RPS6KA2: variants seen among roughly 807,000 people sequenced by gnomAD.
The protein encoded by RPS6KA2 is ribosomal protein S6 kinase alpha-2.
RPS6KA2 carries 42 observed loss-of-function variants against 91.8 expected under a neutral mutation model. That is an observed-to-expected ratio of 0.46 (90% confidence interval 0.36 to 0.59). The LOEUF is 0.59. Ranked by LOEUF, RPS6KA2 falls within the 20% of genes least tolerant of loss-of-function variation. RPS6KA2 has a pLI of 0.00. For synonymous variants in RPS6KA2, 414 were observed against 393.6 expected (o/e 1.05, Z -0.61); for missense variants, 798 against 978.5 (o/e 0.82, Z 2.46).
At chr6:166,734,576 C>T (rs1790621539) in intron 2 of RPS6KA2, among the ~76,000 whole-genome samples, 1 of 152,062 alleles carries the variant, frequency 6.6e-6, no homozygotes, top group Admixed American at 6.6e-5. Context: ...AATTAAGACA[C>T]TCAGCCATTG....
At chr6:166,482,464 T>C (rs1161808882) in intron 10 of RPS6KA2, among the ~76,000 whole-genome samples, 1 of 152,238 alleles carries the variant, frequency 6.6e-6, no homozygotes, top group Non-Finnish European at 1.5e-5. Flanking sequence ...GGAAATTCTC[T>C]GAGTAACACT....
At position 166,568,384 on chromosome 6, in the gene RPS6KA2, C is replaced by T. The variant is rs3778393; in HGVS notation, c.100-29600G>A. 2.6e-4 allele frequency among the ~76,000 whole-genome samples: 40 copies of T among 152,206 alleles called. No homozygotes were observed. The East Asian group carries it at 7.7e-3, about 29-fold the overall frequency. On this transcript the variant is annotated intron_variant, in intron 1 of 20. Coordinates refer to ENST00000265678, the MANE Select transcript of RPS6KA2 (RefSeq NM_021135.6). ...ATCCCAGCACTTTGGGAGGCTTAGGCAGGCGGATCACCTGAGATCAGGAAT... is the reference window on the plus strand; with the variant it reads ...ATCCCAGCACTTTGGGAGGCTTAGGTAGGCGGATCACCTGAGATCAGGAAT...
intron 2 of RPS6KA2, among the ~76,000 whole-genome samples, chr6:166,537,411 C>A (rs16899098): frequency 0.035 from 5,316 of 152,298 alleles, 297 homozygotes; most frequent in African/African-American, 0.12. Context: ...CTATTAACAT[C>A]GTGAGAAACT....
At chr6:166,617,452 T>C (rs184355272) in intron 1 of RPS6KA2, among the ~76,000 whole-genome samples, 1 of 152,320 alleles carries the variant, frequency 6.6e-6, no homozygotes, top group Non-Finnish European at 1.5e-5. Flanking sequence ...GAGCCTAGAT[T>C]AGACATTTTT....
At chr6:166,589,512 GAATTGAAATC>G (rs1337656562) in intron 1 of RPS6KA2, among the ~76,000 whole-genome samples, 8 of 152,222 alleles carry the variant, frequency 5.3e-5, no homozygotes, top group Non-Finnish European at 1.0e-4. Flanking sequence ...TGTACCCTTA[GAATTGAAATC>G]AGTTGAAATC....
intron 12 of RPS6KA2, among the ~76,000 whole-genome samples, 166 bp from the exon 13 acceptor site, chr6:166,451,399 GAC>G (rs1779914221): frequency 6.7e-6 from 1 of 148,720 alleles, no homozygotes; most frequent in South Asian, 2.1e-4. Context: ...AGGTAAAACA[GAC>G]ATGTAGAAAT....
intron 2 of RPS6KA2, among the ~76,000 whole-genome samples, chr6:166,672,575 T>C (rs1218712218): frequency 6.6e-6 from 1 of 152,196 alleles, no homozygotes; most frequent in Non-Finnish European, 1.5e-5. Flanking sequence ...TTTTCTTGGT[T>C]TCTAGATTTC....
chr6:166,847,226 G>A (rs985258868), intron 2 of RPS6KA2, among the ~76,000 whole-genome samples: 1 of 151,630 alleles, frequency 6.6e-6, no homozygotes, highest in African/African-American at 2.4e-5. Flanking sequence ...TCTACAAGGA[G>A]AACTGTAAAA....
At chr6:166,425,589 TA>T (rs560376655) in intron 16 of RPS6KA2, among the ~76,000 whole-genome samples, 1,630 of 151,612 alleles carry the variant, frequency 0.011, 27 homozygotes, top group African/African-American at 0.035. Flanking sequence ...AGGCTCAAAA[TA>T]AAAGGATGGA....
chr6:166,827,584 C>CA (rs566414512), intron 2 of RPS6KA2, among the ~76,000 whole-genome samples: 2 of 152,166 alleles, frequency 1.3e-5, no homozygotes, highest in African/African-American at 2.4e-5. Context: ...TTAAGGTTGG[C>CA]AACATCTAAC....
chr6:166,449,067 C>T (rs1323896302), intron 13 of RPS6KA2, among the ~76,000 whole-genome samples: 1 of 152,184 alleles, frequency 6.6e-6, no homozygotes, highest in Non-Finnish European at 1.5e-5. Flanking sequence ...GGCTATGACT[C>T]TTAACTTTGA....
chr6:166,508,497 G>A lies in RPS6KA2; in HGVS notation c.380-215C>T, dbSNP rs745688159. ...CTGCCCCTCTCTCACTGTCGTTAGG[G>A]GGCCTTGAGATTTCTTTCATCTTTC... On this transcript the variant is annotated intron_variant, in intron 4 of 20. Coordinates refer to ENST00000265678, the MANE Select transcript of RPS6KA2 (RefSeq NM_021135.6). The surrounding 1 kb of genome is among the most constrained non-coding windows in gnomAD (Gnocchi z 4.3). 2.6e-5 allele frequency among the ~76,000 whole-genome samples: 4 copies of A among 152,072 alleles called. No homozygotes were observed. The highest frequency in any genetic ancestry group is 7.2e-5 in the African/African-American group (3 of 41,412).
At chr6:166,492,023 AC>A (rs1480745512) in intron 8 of RPS6KA2, among the ~76,000 whole-genome samples, 2 of 152,210 alleles carry the variant, frequency 1.3e-5, no homozygotes, top group Non-Finnish European at 2.9e-5. Context: ...TGTAAGTACT[AC>A]TGAAATGTGC....
chr6:166,442,578 G>T (rs1032131030), intron 14 of RPS6KA2, among the ~76,000 whole-genome samples: 1 of 152,026 alleles, frequency 6.6e-6, no homozygotes, highest in Non-Finnish European at 1.5e-5. Flanking sequence ...CGTCATCCTC[G>T]TAACTCTCGT....
chr6:166,664,836 C>T (rs1788269823), intron 2 of RPS6KA2, among the ~76,000 whole-genome samples: 1 of 152,046 alleles, frequency 6.6e-6, no homozygotes, highest in Non-Finnish European at 1.5e-5. Flanking sequence ...CGGATGAGGC[C>T]CCTACTGGAT....
At chr6:166,471,230 C>G (rs892219724) in intron 10 of RPS6KA2, among the ~76,000 whole-genome samples, 5 of 152,216 alleles carry the variant, frequency 3.3e-5, no homozygotes. Context: ...GTGGCCCGGC[C>G]TGTCCGGCTG....
Position 166,797,431 on chromosome 6 carries a change from AACT to A in RPS6KA2, c.123+60766_123+60768del, listed in dbSNP as rs375694294. On this transcript the variant is annotated intron_variant, in intron 2 of 21. Coordinates refer to the RPS6KA2 transcript ENST00000503859. ...GTCTATCTCTGGACCCCCAAAGCTT[AACT>A]ACTAACAGCCTACTGTGGACTGGAA... Among the ~76,000 whole-genome samples, 317 of 152,320 alleles carry A rather than the reference AACT, an allele frequency of 2.1e-3. 1 individual carries two copies. The highest frequency in any genetic ancestry group is 7.3e-3 in the African/African-American group (303 of 41,578).
intron 2 of RPS6KA2, among the ~76,000 whole-genome samples, chr6:166,857,136 A>C (rs1003602065): frequency 1.3e-5 from 2 of 152,244 alleles, no homozygotes; most frequent in Non-Finnish European, 2.9e-5. Context: ...ATTGGTGTGC[A>C]TAGGTTTAGA....
chr6:166,518,096 A>C (rs984233448), intron 3 of RPS6KA2, among the ~76,000 whole-genome samples: 2 of 151,862 alleles, frequency 1.3e-5, no homozygotes, highest in Admixed American at 6.6e-5. Context: ...TTGGCACCTG[A>C]GCAACATGGT....
Sources: gnomAD v4.1 joint callset for allele counts (sites outside exome capture counted in the v4.1 genomes callset) on GRCh38, gnomAD v4.1.1 for gene constraint, Gnocchi (gnomAD v3.1) non-coding constraint, MANE v1.5 for transcripts, NCBI Gene and HGNC (gene_info 2026-07-23, HGNC 2026-07-21) for gene names.